SMYD3: variants seen among roughly 807,000 people sequenced by gnomAD.
SMYD3 encodes histone-lysine N-methyltransferase SMYD3.
In SMYD3, 36 loss-of-function variants were observed where a neutral mutation model predicts 57.7. The observed-to-expected ratio is 0.62, with a 90% CI of 0.48 to 0.82. SMYD3 has a LOEUF of 0.82. Among genes scored for constraint, SMYD3 ranks in the 40% least tolerant of loss-of-function variants. The pLI is 0.00. For synonymous variants in SMYD3, 211 were observed against 195.0 expected, an observed-to-expected ratio of 1.08 and a Z score of -0.68; for missense variants, 515 against 538.8, an observed-to-expected ratio of 0.96 and a Z score of 0.44.
chr1:246,343,388 C>T (rs2065661712), intron 2 of SMYD3, among the ~76,000 whole-genome samples: 1 of 152,142 alleles, frequency 6.6e-6, no homozygotes, highest in African/African-American at 2.4e-5. Flanking sequence ...TGAACTGGAA[C>T]AGCCATCAAT....
chr1:246,363,134 C>T (rs1279383980), intron 1 of SMYD3, among the ~76,000 whole-genome samples: 1 of 150,678 alleles, frequency 6.6e-6, no homozygotes, highest in South Asian at 2.1e-4. Context: ...AGTGAGGAGC[C>T]CCTCCGCCCG....
intron 5 of SMYD3, among the ~76,000 whole-genome samples, chr1:246,287,045 T>TA (rs1261267869): frequency 6.6e-6 from 1 of 152,018 alleles, no homozygotes; most frequent in Non-Finnish European, 1.5e-5. Context: ...TAATTTTTTG[T>TA]ATTTTTAGTA....
At chr1:246,181,016 T>A (rs921711756) in intron 5 of SMYD3, among the ~76,000 whole-genome samples, 1 of 152,130 alleles carries the variant, frequency 6.6e-6, no homozygotes, top group African/African-American at 2.4e-5. Flanking sequence ...TTCCTACAGA[T>A]AAAGTGATCA....
intron 10 of SMYD3, among the ~76,000 whole-genome samples, chr1:245,788,562 A>G (rs2047142990): frequency 6.6e-6 from 1 of 152,216 alleles, no homozygotes; most frequent in Non-Finnish European, 1.5e-5. Flanking sequence ...GTCACCTTAA[A>G]GATGATGAAA....
chr1:246,100,721 A>T (rs912433918), intron 5 of SMYD3, among the ~76,000 whole-genome samples: 14 of 152,118 alleles, frequency 9.2e-5, no homozygotes, highest in African/African-American at 3.1e-4. Context: ...CCTGGGACAG[A>T]GCTCCTCTGA....
intron 1 of SMYD3, among the ~76,000 whole-genome samples, chr1:246,422,292 A>AAT (rs904513884): frequency 3.3e-5 from 5 of 152,176 alleles, no homozygotes; most frequent in Non-Finnish European, 5.9e-5. Context: ...TAAATAGATA[A>AAT]ATATATATAT....
At chr1:245,880,678 G>A (rs1182587954) in intron 8 of SMYD3, among the ~76,000 whole-genome samples, 2 of 152,218 alleles carry the variant, frequency 1.3e-5, no homozygotes, top group African/African-American at 4.8e-5. Flanking sequence ...AAGTGGTGGA[G>A]AAGGACTTGA....
At chr1:246,476,900 A>G (rs1009374995) in intron 1 of SMYD3, among the ~76,000 whole-genome samples, 2 of 152,350 alleles carry the variant, frequency 1.3e-5, no homozygotes, top group Middle Eastern at 3.4e-3. Context: ...CTATTCAATT[A>G]TCAAATACGT....
chr1:246,226,524 G>A (rs1447174904), intron 5 of SMYD3, among the ~76,000 whole-genome samples: 1 of 152,162 alleles, frequency 6.6e-6, no homozygotes, highest in African/African-American at 2.4e-5. Flanking sequence ...TTTTGATGCT[G>A]ATTATATAAC....
chr1:245,894,296 T>C (rs73126346), intron 8 of SMYD3, among the ~76,000 whole-genome samples: 2 of 326 alleles, frequency 6.1e-3, no homozygotes, highest in African/African-American at 0.021. Context: ...AAAATGAACC[T>C]ATCAGCACTC....
chr1:245,761,697 G>A (rs1377224728), intron 11 of SMYD3, among the ~76,000 whole-genome samples: 1 of 151,988 alleles, frequency 6.6e-6, no homozygotes, highest in Non-Finnish European at 1.5e-5. Context: ...CCAGTCTAGA[G>A]GAAAAGAGCA....
intron 10 of SMYD3, among the ~76,000 whole-genome samples, chr1:245,782,799 C>G (rs915204813): frequency 2.0e-5 from 3 of 152,186 alleles, no homozygotes; most frequent in African/African-American, 7.2e-5. Context: ...GGGCCAATGC[C>G]TGAGTCTAGA....
intron 5 of SMYD3, among the ~76,000 whole-genome samples, chr1:246,269,012 G>C (rs888978243): frequency 6.6e-6 from 1 of 152,064 alleles, no homozygotes; most frequent in Non-Finnish European, 1.5e-5. Flanking sequence ...TACTAAATTA[G>C]AATCAGTAAA....
chr1:246,221,045 C>A (rs1451876403), intron 5 of SMYD3, among the ~76,000 whole-genome samples: 1 of 151,958 alleles, frequency 6.6e-6, no homozygotes, highest in Non-Finnish European at 1.5e-5. Context: ...CCTAGAGCTG[C>A]AGATGATGGG....
intron 5 of SMYD3, among the ~76,000 whole-genome samples, chr1:246,255,767 G>C (rs1414982310): frequency 1.1e-5 from 1 of 91,084 alleles, no homozygotes; most frequent in Non-Finnish European, 2.1e-5. Flanking sequence ...CCATTTGTCT[G>C]GGGCATTTTT....
chr1:245,815,382 C>T (rs1269287122), intron 10 of SMYD3, among the ~76,000 whole-genome samples: 3 of 152,230 alleles, frequency 2.0e-5, no homozygotes, highest in African/African-American at 7.2e-5. Context: ...ATCCCAATCT[C>T]CATGGTCATC....
chr1:246,172,020 A>C (rs1227921272), intron 5 of SMYD3, among the ~76,000 whole-genome samples: 1 of 152,216 alleles, frequency 6.6e-6, no homozygotes, highest in African/African-American at 2.4e-5. Flanking sequence ...CATGAAGGAA[A>C]AGAAAGTTAT....
chr1:245,914,824 T>C (rs564132176), intron 8 of SMYD3, among the ~76,000 whole-genome samples: 1 of 152,220 alleles, frequency 6.6e-6, no homozygotes, highest in African/African-American at 2.4e-5. Flanking sequence ...CTACACATAG[T>C]ATACACATAA....
chr1:245,994,250 A>G (rs2058876984), intron 5 of SMYD3, among the ~76,000 whole-genome samples: 2 of 152,212 alleles, frequency 1.3e-5, no homozygotes, highest in Admixed American at 1.3e-4. Flanking sequence ...GAGGTGCTTC[A>G]TAGCATACAC....
Sources: allele counts gnomAD v4.1 joint callset (sites outside exome capture counted in the v4.1 genomes callset), GRCh38; gene constraint gnomAD v4.1.1; transcripts MANE v1.5; gene names NCBI Gene and HGNC (gene_info 2026-07-23, HGNC 2026-07-21).